ELFN1: variants seen among roughly 807,000 people sequenced by gnomAD.
ELFN1 encodes extracellular leucine rich repeat and fibronectin type III domain containing 1.
A neutral mutation model predicts 7.6 loss-of-function variants in ELFN1; 6 were observed. That is an observed-to-expected ratio of 0.79 (90% confidence interval 0.43 to 1.56). The LOEUF (loss-of-function observed/expected upper bound fraction) is 1.56, where lower values mean the gene tolerates loss of function less well. ELFN1 is among the 40% of genes most tolerant of loss of function. The pLI is 0.01. For synonymous variants in ELFN1, 657 were observed against 588.1 expected (o/e 1.12, Z -1.70); for missense variants, 1,169 against 1,232.2 (o/e 0.95, Z 0.77).
chr7:1,733,409 C>T (rs1417776581), intron 3 of ELFN1, among the ~76,000 whole-genome samples: 1 of 152,106 alleles, frequency 6.6e-6, no homozygotes, highest in African/African-American at 2.4e-5. Flanking sequence ...CAAATCCCTT[C>T]CCTGTCCTCT....
intron 3 of ELFN1, among the ~76,000 whole-genome samples, chr7:1,729,628 C>G (rs1780283810): frequency 6.6e-6 from 1 of 152,222 alleles, no homozygotes; most frequent in Admixed American, 6.5e-5. Flanking sequence ...CTGTCTCAGG[C>G]CAGCCCAGAT....
intron 3 of ELFN1, among the ~76,000 whole-genome samples, chr7:1,734,369 T>G (rs955126769): frequency 6.6e-6 from 1 of 152,198 alleles, no homozygotes; most frequent in Non-Finnish European, 1.5e-5. Flanking sequence ...ACACATCATG[T>G]TTTTTAATTT....
At chr7:1,728,658 C>T (rs540175109) in intron 3 of ELFN1, among the ~76,000 whole-genome samples, 112 of 152,362 alleles carry the variant, frequency 7.4e-4, no homozygotes, top group African/African-American at 2.6e-3. Context: ...GCACACAGCA[C>T]ATGCGTTTTC....
At chr7:1,744,060 G>C (rs994126814) in intron 3 of ELFN1, among the ~76,000 whole-genome samples, 2 of 152,298 alleles carry the variant, frequency 1.3e-5, no homozygotes, top group Middle Eastern at 3.4e-3. Context: ...GCCGAGAGCC[G>C]AGGAGACCCC....
Position 1,747,289 on chromosome 7 carries a change from G to A in ELFN1, c.*206G>A, listed in dbSNP as rs1780831812. The A allele has an allele frequency of 2.2e-6, 1 of 451,508 alleles. No homozygotes were observed. Among genetic ancestry groups the A allele is most frequent in the Non-Finnish European group, 3.7e-6 (1 of 269,432 alleles). The allele number at this position is 451,508 out of a possible 1,614,324, so 28.0% of individuals were successfully genotyped here. On this transcript the variant is annotated 3_prime_UTR_variant, in exon 4 of 4. Transcript: ENST00000424383. ...GGTCCTGGGATGCGCTTGTCGCCCCGGGTGGCACGTGTCCACACACACACA... is the reference window on the plus strand; with the variant it reads ...GGTCCTGGGATGCGCTTGTCGCCCCAGGTGGCACGTGTCCACACACACACA...
chr7:1,685,487 T>A (rs1424686879), intron 1 of ELFN1, among the ~76,000 whole-genome samples: 1 of 152,154 alleles, frequency 6.6e-6, no homozygotes, highest in African/African-American at 2.4e-5. Context: ...GAGGCACAGT[T>A]TATTTTTCTG....
intron 1 of ELFN1, among the ~76,000 whole-genome samples, chr7:1,682,184 C>G (rs971597813): frequency 1.1e-4 from 17 of 152,052 alleles, no homozygotes; most frequent in African/African-American, 4.1e-4. Context: ...AATCGTTTGC[C>G]TAACCCAAGG....
chr7:1,667,611 G>A (rs541654054), upstream of ELFN1, among the ~76,000 whole-genome samples: 793 of 152,250 alleles, frequency 5.2e-3, 5 homozygotes, highest in Middle Eastern at 0.014. The surrounding 1 kb of genome is among the most constrained non-coding windows in gnomAD (Gnocchi z 8.2). Flanking sequence ...GGGGAATACG[G>A]AGTCCTTCTT....
At chr7:1,714,272 G>A (rs1329422048) in intron 3 of ELFN1, among the ~76,000 whole-genome samples, 2 of 152,038 alleles carry the variant, frequency 1.3e-5, no homozygotes, top group Non-Finnish European at 2.9e-5. Flanking sequence ...CCCCCAGCAT[G>A]CGGAGGGGCC....
intron 3 of ELFN1, among the ~76,000 whole-genome samples, chr7:1,718,205 C>A (rs1331759525): frequency 1.3e-5 from 2 of 152,216 alleles, no homozygotes; most frequent in Non-Finnish European, 1.5e-5. Flanking sequence ...CCACTCACGT[C>A]CCGTTGGCTA....
intron 3 of ELFN1, among the ~76,000 whole-genome samples, chr7:1,710,822 T>G (rs1031927674): frequency 2.6e-5 from 4 of 152,224 alleles, no homozygotes; most frequent in Non-Finnish European, 5.9e-5. Context: ...CTGCCTTGAA[T>G]ATTGCCTAGA....
rs968497191 is a variant in ELFN1 at position 1,735,990 on chromosome 7, C to T, written c.-293-8314C>T. ...GGCAGAGCCAACACCATCTCCTGGCCCACGATGGTTCTGTGTCCCCTGACG... is the reference window on the plus strand; with the variant it reads ...GGCAGAGCCAACACCATCTCCTGGCTCACGATGGTTCTGTGTCCCCTGACG... On this transcript the variant is annotated intron_variant, in intron 3 of 3. Transcript: ENST00000424383. The surrounding 1 kb of genome is among the most constrained non-coding windows in gnomAD (Gnocchi z 5.9). Among the ~76,000 whole-genome samples, 4 of 152,138 alleles carry T rather than the reference C, an allele frequency of 2.6e-5. No homozygotes were observed. Among genetic ancestry groups the T allele is most frequent in the African/African-American group, 7.2e-5 (3 of 41,424 alleles).
intron 3 of ELFN1, among the ~76,000 whole-genome samples, chr7:1,716,979 A>T (rs1779854326): frequency 6.6e-6 from 1 of 152,148 alleles, no homozygotes; most frequent in Non-Finnish European, 1.5e-5. Flanking sequence ...CATAGCAATG[A>T]TTTGATCTGG....
In ELFN1 at chr7:1,670,696, A is replaced by G. The variant is rs969167108; in HGVS notation, c.-549+342A>G. On this transcript the variant is annotated intron_variant, in intron 1 of 3. Transcript: ENST00000424383. This position sits in a 1 kb window ranked among gnomAD's most constrained non-coding sequence, Gnocchi z 6.4. The stretch of plus-strand genomic sequence containing the variant: ...CCTTCCGTCCCCCTTCGCCGTCCGC[A>G]CCCTGCCCGGCGCCCCCCAGACGCG... Among the ~76,000 whole-genome samples, 1 of 149,752 alleles carries G rather than the reference A, an allele frequency of 6.7e-6. No individual in the cohort carries two copies. Among genetic ancestry groups the G allele is most frequent in the African/African-American group, 2.5e-5 (1 of 40,542 alleles).
intron 2 of ELFN1, among the ~76,000 whole-genome samples, chr7:1,698,490 A>G (rs559280153): frequency 3.9e-5 from 6 of 152,296 alleles, no homozygotes; most frequent in African/African-American, 1.4e-4. Context: ...TTTTTTTTAC[A>G]ACATATAAAA....
intron 1 of ELFN1, among the ~76,000 whole-genome samples, chr7:1,681,458 G>C (rs1470152338): frequency 3.3e-5 from 5 of 151,824 alleles, no homozygotes; most frequent in Non-Finnish European, 7.4e-5. Context: ...TGCCTCCCAG[G>C]CTCAAGTGAT....
At chr7:1,733,250 A>T (rs1780361107) in intron 3 of ELFN1, among the ~76,000 whole-genome samples, 1 of 152,158 alleles carries the variant, frequency 6.6e-6, no homozygotes, top group Admixed American at 6.5e-5. Flanking sequence ...GTTCCTTGGC[A>T]GCCGGGACAC....
chr7:1,716,370 C>T lies in ELFN1; in HGVS notation c.-294+7118C>T, dbSNP rs143496929. Among the ~76,000 whole-genome samples the T allele has an allele frequency of 6.7e-3, 1,016 of 152,296 alleles. 8 individuals are homozygous for T. Among genetic ancestry groups the T allele is most frequent in the Non-Finnish European group, 0.011 (775 of 68,030 alleles). On this transcript the variant is annotated intron_variant, in intron 3 of 3. Transcript: ENST00000424383. ...TGACGGCCTGGGTAAATTCTGAAGCCCTCTTGGGGCCCTGGCATGTGCCCG... is the reference window on the plus strand; with the variant it reads ...TGACGGCCTGGGTAAATTCTGAAGCTCTCTTGGGGCCCTGGCATGTGCCCG...
intron 3 of ELFN1, among the ~76,000 whole-genome samples, chr7:1,712,628 C>T (rs370593087): frequency 8.6e-5 from 13 of 151,828 alleles, no homozygotes; most frequent in South Asian, 8.3e-4. Flanking sequence ...GACGGGGTTT[C>T]GCCATGTTGG....
Sources: allele counts gnomAD v4.1 joint callset (sites outside exome capture counted in the v4.1 genomes callset), GRCh38; gene constraint gnomAD v4.1.1; non-coding constraint Gnocchi (gnomAD v3.1); transcripts MANE v1.5; gene names NCBI Gene and HGNC (gene_info 2026-07-23, HGNC 2026-07-21).